Variants in INTS6 observed in about 807,000 individuals in gnomAD.
INTS6 encodes the protein integrator complex subunit 6, also known as DEAD box protein.
Under a neutral mutation model 104.9 loss-of-function variants are expected in INTS6, and 16 were observed. That is an observed-to-expected ratio of 0.15 (90% CI 0.10 to 0.23). The LOEUF (loss-of-function observed/expected upper bound fraction) is 0.23, where lower values mean the gene tolerates loss of function less well. Ranked by LOEUF, INTS6 falls within the 10% of genes least tolerant of loss-of-function variation. The pLI, the probability that INTS6 is intolerant of heterozygous loss-of-function variation, is 1.00. For missense variants in INTS6, 584 were observed against 1,062.8 expected (o/e 0.55, Z 6.26); for synonymous variants, 324 against 358.7 (o/e 0.90, Z 1.09).
intron 13 of INTS6, among the ~76,000 whole-genome samples, chr13:51,375,105 C>G (rs994311793): frequency 1.3e-5 from 2 of 151,976 alleles, no homozygotes; most frequent in Non-Finnish European, 2.9e-5. Flanking sequence ...AATCCCAGCA[C>G]TTCGGGAGGC....
At chr13:51,347,898 G>A in the INTS6 span, among the ~76,000 whole-genome samples, 17 of 152,086 alleles carry the variant, frequency 1.1e-4, no homozygotes, top group South Asian at 2.7e-3. Context: ...GGGGTTCTTG[G>A]AGCATATCTG....
At chr13:51,450,627 T>A in intron 3 of INTS6, 1 of 986,878 alleles carries the variant, frequency 1.0e-6, no homozygotes, top group Non-Finnish European at 1.2e-6. Flanking sequence ...ACAGATTAAT[T>A]TCCTCTAACA....
intron 4 of INTS6, among the ~76,000 whole-genome samples, chr13:51,426,432 C>A: frequency 6.6e-6 from 1 of 152,048 alleles, no homozygotes; most frequent in East Asian, 1.9e-4. Flanking sequence ...AGGAGCCACA[C>A]CCTATGCCAA....
At chr13:51,347,154 C>T in the INTS6 span, 2 of 1,613,996 alleles carry the variant, frequency 1.2e-6, no homozygotes, top group Middle Eastern at 1.6e-4. Flanking sequence ...TCCACAGACA[C>T]ACAGATCCTG....
chr13:51,385,311 A>G (rs1191308604), intron 7 of INTS6: 1 of 152,514 alleles, frequency 6.6e-6, no homozygotes, highest in East Asian at 1.9e-4. Flanking sequence ...GTACTCTATG[A>G]TGTGTACGTG....
chr13:51,393,321 G>A (rs1472301775), intron 5 of INTS6, among the ~76,000 whole-genome samples: 4 of 152,022 alleles, frequency 2.6e-5, no homozygotes, highest in Non-Finnish European at 4.4e-5. Context: ...CAGGTAATCC[G>A]CCCACCTTGG....
At chr13:51,414,496 C>G (rs1956746323) in intron 4 of INTS6, among the ~76,000 whole-genome samples, 2 of 152,136 alleles carry the variant, frequency 1.3e-5, no homozygotes, top group Admixed American at 6.6e-5. Flanking sequence ...AGCACCCATT[C>G]TAATCAAACT....
At chr13:51,388,399 T>C (rs534899422) in intron 6 of INTS6, among the ~76,000 whole-genome samples, 14 of 152,100 alleles carry the variant, frequency 9.2e-5, no homozygotes, top group Non-Finnish European at 1.8e-4. Flanking sequence ...GTTTTTGTTT[T>C]TCTTTTTTTT....
At chr13:51,436,307 G>A (rs1056781337) in intron 3 of INTS6, 9 of 152,106 alleles carry the variant, frequency 5.9e-5, no homozygotes, top group African/African-American at 2.2e-4. Context: ...AAATCTGCTA[G>A]AATATAAAAA....
the INTS6 span, among the ~76,000 whole-genome samples, chr13:51,338,904 T>C: frequency 6.6e-6 from 1 of 152,372 alleles, no homozygotes; most frequent in African/African-American, 2.4e-5. Flanking sequence ...TCAGTTCTTC[T>C]TTAATCTGTA....
chr13:51,368,532 A>G (rs1955737450), intron 16 of INTS6, among the ~76,000 whole-genome samples: 1 of 152,180 alleles, frequency 6.6e-6, no homozygotes, highest in South Asian at 2.1e-4. Context: ...TGGCCTAAAC[A>G]TATCCTATAA....
intron 3 of INTS6, chr13:51,446,359 C>G (rs917900144): frequency 6.6e-6 from 1 of 152,100 alleles, no homozygotes; most frequent in Non-Finnish European, 1.5e-5. Flanking sequence ...CAATGAGATA[C>G]GACCTCACAC....
intron 3 of INTS6, chr13:51,355,224 T>TCCA (rs1196709994): frequency 9.8e-5 from 61 of 623,412 alleles, no homozygotes; most frequent in South Asian, 1.4e-4. Flanking sequence ...GATTCTCATT[T>TCCA]CAGAGTCAAC....
At chr13:51,388,161 G>C (rs933112121) in intron 6 of INTS6, among the ~76,000 whole-genome samples, 1 of 152,042 alleles carries the variant, frequency 6.6e-6, no homozygotes, top group African/African-American at 2.4e-5. Context: ...TAAATACACT[G>C]TAACAATTAA....
chr13:51,369,961 C>A (rs190828760), intron 15 of INTS6, among the ~76,000 whole-genome samples: 1 of 152,226 alleles, frequency 6.6e-6, no homozygotes, highest in Non-Finnish European at 1.5e-5. Flanking sequence ...AGACTTGCCC[C>A]ACAGAAAGCA....
At chr13:51,348,765 G>A in the INTS6 span, 1 of 242,036 alleles carries the variant, frequency 4.1e-6, no homozygotes, top group East Asian at 9.0e-5. Flanking sequence ...TTGTAGGAAC[G>A]TTGCCCAAAT....
At chr13:51,405,896 T>A (rs147355908) in intron 4 of INTS6, among the ~76,000 whole-genome samples, 2 of 152,292 alleles carry the variant, frequency 1.3e-5, no homozygotes, top group East Asian at 3.9e-4. Context: ...GTCACTAAGT[T>A]TTGGGATGAC....
At chr13:51,350,481 A>G (rs1004570779), downstream of INTS6, among the ~76,000 whole-genome samples, 37 of 152,200 alleles carry the variant, frequency 2.4e-4, no homozygotes, top group African/African-American at 8.2e-4. Context: ...TAGAAGGCTG[A>G]GCATGAGCAT....
downstream of INTS6, among the ~76,000 whole-genome samples, chr13:51,359,426 C>T (rs1327129038): frequency 6.6e-6 from 1 of 152,096 alleles, no homozygotes; most frequent in Non-Finnish European, 1.5e-5. Context: ...ATGACATAGG[C>T]TATGGACCTT....
Sources: gnomAD v4.1 joint callset for allele counts (sites outside exome capture counted in the v4.1 genomes callset) on GRCh38, gnomAD v4.1.1 for gene constraint, MANE v1.5 for transcripts, NCBI Gene and HGNC (gene_info 2026-07-23, HGNC 2026-07-21) for gene names.